The following CCNT2 variants were observed in gnomAD, a reference collection of about 807,000 sequenced individuals.
CCNT2 encodes cyclin T2, also known as cyclin-T2.
Under a neutral mutation model 70.0 loss-of-function variants are expected in CCNT2, and 18 were observed. That is an observed-to-expected ratio of 0.26 (90% CI 0.18 to 0.38). CCNT2 has a LOEUF of 0.38. Among genes scored for constraint, CCNT2 ranks in the 10% least tolerant of loss-of-function variants. The pLI is 1.00. For missense variants in CCNT2, 734 were observed against 890.2 expected, an observed-to-expected ratio of 0.82 and a Z score of 2.23; for synonymous variants, 334 against 313.3, an observed-to-expected ratio of 1.07 and a Z score of -0.70.
chr2:134,947,328 G>A (rs1017276883), intron 6 of CCNT2, among the ~76,000 whole-genome samples: 6 of 152,052 alleles, frequency 3.9e-5, no homozygotes, highest in African/African-American at 1.4e-4. Context: ...AAATTACTTT[G>A]TCAATTTTAC....
chr2:134,928,042 G>T (rs1303428327), intron 2 of CCNT2, among the ~76,000 whole-genome samples: 1 of 152,138 alleles, frequency 6.6e-6, no homozygotes, highest in Non-Finnish European at 1.5e-5. Flanking sequence ...TGAAGTTAAG[G>T]CTTGTGCTTA....
chr2:134,952,192 T>C (rs1682561462), intron 7 of CCNT2, among the ~76,000 whole-genome samples: 1 of 152,196 alleles, frequency 6.6e-6, no homozygotes, highest in Non-Finnish European at 1.5e-5. Flanking sequence ...TTCTGCACTT[T>C]AAAGTCACTA....
At chr2:134,942,092 T>A (rs1559104561) in intron 4 of CCNT2, among the ~76,000 whole-genome samples, 1 of 151,892 alleles carries the variant, frequency 6.6e-6, no homozygotes, top group Admixed American at 6.6e-5. Context: ...ATGAGACCTC[T>A]ATGGTTTGTC....
chr2:134,937,471 T>A (rs193135023), intron 3 of CCNT2, among the ~76,000 whole-genome samples: 1 of 152,342 alleles, frequency 6.6e-6, no homozygotes, highest in Admixed American at 6.5e-5. Context: ...TGAGCAGCAT[T>A]TTTTTAGTAT....
At chr2:134,943,671 A>G in intron 5 of CCNT2, 1 of 984,990 alleles carries the variant, frequency 1.0e-6, no homozygotes, top group Non-Finnish European at 1.2e-6. Context: ...CTACTCCTAA[A>G]TGAATCCTAT....
In CCNT2 at chr2:134,918,876, T is replaced by A. The variant is rs753899934; in HGVS notation, c.22T>A (p.Ser8Thr). The A allele has an allele frequency of 5.0e-6, 8 of 1,613,672 alleles. No individual in the cohort carries two copies. Among genetic ancestry groups the A allele is most frequent in the Non-Finnish European group, 5.9e-6 (7 of 1,179,726 alleles). The change falls in exon 1 of 9, where the codon TCT becomes ACT. Residue 8 changes from serine (S) to threonine (T), a missense_variant. Coordinates refer to ENST00000264157, the MANE Select transcript of CCNT2 (RefSeq NM_058241.3). MASGRGA[S>T]SRWFFTREQL... is the part of the protein sequence containing the mutation. ...TGTCATGGCGTCGGGCCGTGGAGCTTCTTCTCGCTGGTTCTTTACTCGGGA... is the reference window on the plus strand; with the variant it reads ...TGTCATGGCGTCGGGCCGTGGAGCTACTTCTCGCTGGTTCTTTACTCGGGA...
chr2:134,941,520 C>T (rs1484513836), intron 4 of CCNT2, among the ~76,000 whole-genome samples: 9 of 152,174 alleles, frequency 5.9e-5, no homozygotes, highest in East Asian at 5.8e-4. Flanking sequence ...GCATGGGGAT[C>T]GGCACCCCTA....
At chr2:134,946,943 T>A (rs1338098288) in intron 6 of CCNT2, among the ~76,000 whole-genome samples, 1 of 152,226 alleles carries the variant, frequency 6.6e-6, no homozygotes, top group East Asian at 1.9e-4. Flanking sequence ...AAGTTTTATT[T>A]ACAATTTCAC....
In CCNT2 at chr2:134,919,904, TGTC is replaced by T. The variant is rs771364102; in HGVS notation, c.240+14_240+16del. 18 of 1,590,180 alleles carry T rather than the reference TGTC, an allele frequency of 1.1e-5. No homozygotes were observed. The highest frequency in any genetic ancestry group is 1.4e-5 in the Non-Finnish European group (16 of 1,160,890). ...ATTCAACAAAAATGTAAGTACTAGT[TGTC>T]TGTTTTTACTGTCCGCAAATTTGAG... On this transcript the variant is annotated intron_variant, in intron 2 of 8. Coordinates refer to ENST00000264157, the MANE Select transcript of CCNT2 (RefSeq NM_058241.3).
At position 134,956,224 on chromosome 2, in the gene CCNT2, G is replaced by C. The variant is rs937950178; in HGVS notation, c.*1576G>C. 2 of 152,600 alleles carry C rather than the reference G, an allele frequency of 1.3e-5. No homozygotes were observed. Among genetic ancestry groups the C allele is most frequent in the Admixed American group, 6.5e-5 (1 of 15,286 alleles). The allele number at this position is 152,600 out of a possible 1,614,324, so 9.5% of individuals were successfully genotyped here. ...CACAATTGTAATTAAGTATGTTGCAGTTGTAAATATTAGAGTTTAATCTCA... is the reference window on the plus strand; with the variant it reads ...CACAATTGTAATTAAGTATGTTGCACTTGTAAATATTAGAGTTTAATCTCA... On this transcript the variant is annotated 3_prime_UTR_variant, in exon 9 of 9. Transcript: ENST00000264157.
chr2:134,925,668 C>T (rs1680243716), intron 2 of CCNT2, among the ~76,000 whole-genome samples: 1 of 152,012 alleles, frequency 6.6e-6, no homozygotes, highest in South Asian at 2.1e-4. Context: ...TATATATGTT[C>T]ATCAGTTGGT....
intron 8 of CCNT2, 41 bp downstream of exon 8, chr2:134,952,752 A>G (rs10166142): frequency 0.5 from 708,187 of 1,427,364 alleles, 192,285 homozygotes; most frequent in East Asian, 0.89. Context: ...TCAGTCTTTT[A>G]TGTAACATTT....
chr2:134,956,498 T>TA lies in CCNT2; in HGVS notation c.*1851dup, dbSNP rs1161454361. 1 of 152,438 alleles carries TA rather than the reference T, an allele frequency of 6.6e-6. No homozygotes were observed. Among genetic ancestry groups the TA allele is most frequent in the African/African-American group, 2.4e-5 (1 of 41,444 alleles). The allele number at this position is 152,438 out of a possible 1,614,324, so 9.4% of individuals were successfully genotyped here. On this transcript the variant is annotated 3_prime_UTR_variant, in exon 9 of 9. Coordinates refer to ENST00000264157, the MANE Select transcript of CCNT2 (RefSeq NM_058241.3). ...GTATCCATAAACATGGTAATTTTGA[T>TA]ACAGTTATACTTTTACAGTGGTACA...
At position 134,953,636 on chromosome 2, in the gene CCNT2, A is replaced by G; in HGVS notation, c.1181A>G (p.His394Arg). The change falls in exon 9 of 9, where the codon CAT becomes CGT. Residue 394 changes from histidine (H) to arginine (R), a missense_variant. Transcript: ENST00000264157. ...TCTATATCACTGCATTCAGGATTAC[A>G]TCACAGACCTGACAAAATTTCAGAT... ...GPSISLHSGL[H>R]HRPDKISDHS... The G allele has an allele frequency of 1.2e-6, 2 of 1,614,200 alleles. No homozygotes were observed. Among genetic ancestry groups the G allele is most frequent in the Non-Finnish European group, 1.7e-6 (2 of 1,180,028 alleles).
intron 1 of CCNT2, 105 bp from the exon 2 acceptor site, chr2:134,919,705 A>C: frequency 1.2e-6 from 1 of 822,160 alleles, no homozygotes; most frequent in Non-Finnish European, 1.9e-6. Flanking sequence ...TGGGGTTTGG[A>C]TTTGAATGGG....
chr2:134,950,285 A>T (rs1443555225), intron 7 of CCNT2, among the ~76,000 whole-genome samples: 1 of 152,170 alleles, frequency 6.6e-6, no homozygotes. Flanking sequence ...AGAGCAATTG[A>T]ATAGGAATCT....
At chr2:134,940,807 A>G (rs1044751613) in intron 4 of CCNT2, among the ~76,000 whole-genome samples, 2 of 152,226 alleles carry the variant, frequency 1.3e-5, no homozygotes, top group African/African-American at 2.4e-5. Context: ...TAGTGATGCC[A>G]GAAGTGCTCC....
rs370201450 is a variant in CCNT2, at chr2:134,958,995, G to A, written c.*4347G>A. The A allele has an allele frequency of 6.6e-6, 1 of 152,136 alleles. No homozygotes were observed. Among genetic ancestry groups the A allele is most frequent in the East Asian group, 1.9e-4 (1 of 5,182 alleles). The allele number at this position is 152,136 out of a possible 1,614,324, so 9.4% of individuals were successfully genotyped here. On this transcript the variant is annotated 3_prime_UTR_variant, in exon 9 of 9. Coordinates refer to ENST00000264157, the MANE Select transcript of CCNT2 (RefSeq NM_058241.3). The stretch of plus-strand genomic sequence containing the variant: ...CTGTCTACTTTATTTTCAAGTTTGG[G>A]GCGGAAACTCAAAATCCCGAGCATT...
In CCNT2 at chr2:134,946,154, T is replaced by C; in HGVS notation, c.539+8T>C. 1 of 1,612,760 alleles carries C rather than the reference T, an allele frequency of 6.2e-7. No homozygotes were observed. The highest frequency in any genetic ancestry group is 2.2e-5 in the East Asian group (1 of 44,850). On this transcript the variant is annotated splice_region_variant and intron_variant, in intron 6 of 8. Transcript: ENST00000264157. ...TTTCATGGCTACCAACAGGTTGTTA[T>C]CCTGACCCTCTTTGTTGCACTGTTG...
Sources: gnomAD v4.1 joint callset for allele counts (sites outside exome capture counted in the v4.1 genomes callset) on GRCh38, gnomAD v4.1.1 for gene constraint, MANE v1.5 for transcripts, NCBI Gene and HGNC (gene_info 2026-07-23, HGNC 2026-07-21) for gene names.